RUNX1: variants seen among roughly 807,000 people sequenced by gnomAD.
RUNX1 encodes RUNX family transcription factor 1.
In RUNX1, 19 loss-of-function variants were observed where a neutral mutation model predicts 42.8. That is an observed-to-expected ratio of 0.44 (90% CI 0.31 to 0.65). The LOEUF is 0.65. Ranked by LOEUF, RUNX1 falls within the 30% of genes least tolerant of loss-of-function variation. The pLI, the probability that RUNX1 is intolerant of heterozygous loss-of-function variation, is 0.07. For missense variants in RUNX1, 528 were observed against 672.0 expected (o/e 0.79, Z 2.37); for synonymous variants, 271 against 289.4 (o/e 0.94, Z 0.64).
At chr21:34,805,294 G>C (rs2056664125) in intron 7 of RUNX1, among the ~76,000 whole-genome samples, 1 of 152,152 alleles carries the variant, frequency 6.6e-6, no homozygotes, top group South Asian at 2.1e-4. Flanking sequence ...GAAAACAGTG[G>C]AAGAAATACT....
intron 5 of RUNX1, among the ~76,000 whole-genome samples, chr21:34,871,082 T>G (rs959526973): frequency 6.6e-6 from 1 of 152,240 alleles, no homozygotes; most frequent in African/African-American, 2.4e-5. Flanking sequence ...GCTGGATCTC[T>G]TGATTTTGGA....
intron 2 of RUNX1, among the ~76,000 whole-genome samples, chr21:34,926,998 C>T (rs1476551583): frequency 6.6e-6 from 1 of 152,120 alleles, no homozygotes; most frequent in Non-Finnish European, 1.5e-5. Context: ...TTGGCTAAAG[C>T]ACTGTCCAAA....
chr21:34,942,536 G>T (rs1345265398), intron 2 of RUNX1, among the ~76,000 whole-genome samples: 1 of 152,140 alleles, frequency 6.6e-6, no homozygotes, highest in African/African-American at 2.4e-5. Flanking sequence ...AGTCTTGACT[G>T]GGCTTAATTG....
At chr21:35,012,585 A>C (rs1354340127) in intron 2 of RUNX1, among the ~76,000 whole-genome samples, 3 of 152,220 alleles carry the variant, frequency 2.0e-5, no homozygotes, top group Non-Finnish European at 4.4e-5. Context: ...TACTTGGATT[A>C]ATAAAAATTA....
intron 2 of RUNX1, among the ~76,000 whole-genome samples, chr21:34,945,483 A>T (rs1331528647): frequency 1.3e-5 from 2 of 152,010 alleles, no homozygotes; most frequent in African/African-American, 4.8e-5. Flanking sequence ...AATTCTCACT[A>T]TCTTCCACTC....
Position 34,792,303 on chromosome 21 carries a change from C to CGGGGG in RUNX1, c.1274_1275insCCCCC (p.Ile428ArgfsTer168). On this transcript the variant is annotated frameshift_variant, in exon 9 of 9. Transcript: ENST00000675419. LOFTEE classifies it high-confidence loss of function. This position sits in a 1 kb window ranked among gnomAD's most constrained non-coding sequence, Gnocchi z 6.9. Reference sequence around the variant, plus strand: ...TGGTGCAGGGCGGCAGGATGCGCGGCGGCGAGCGCTCGCCGCCCACCATGG... The same window carrying CGGGGG: ...TGGTGCAGGGCGGCAGGATGCGCGGCGGGGGGGCGAGCGCTCGCCGCCCACCATGG... 4.6e-6 allele frequency: 7 copies of CGGGGG among 1,536,044 alleles called. No individual in the cohort carries two copies. Among genetic ancestry groups the CGGGGG allele is most frequent in the East Asian group, 2.5e-5 (1 of 40,252 alleles).
intron 2 of RUNX1, among the ~76,000 whole-genome samples, chr21:34,976,848 T>C (rs149766207): frequency 0.01 from 1,585 of 151,236 alleles, 24 homozygotes; most frequent in African/African-American, 0.037. Context: ...CTAGGTGATA[T>C]CGGTAGAAAA....
chr21:34,918,727 G>A (rs1044219843), intron 2 of RUNX1, among the ~76,000 whole-genome samples: 7 of 152,164 alleles, frequency 4.6e-5, no homozygotes, highest in Admixed American at 2.6e-4. Flanking sequence ...GGCCAACATG[G>A]GGAAACCCTG....
At chr21:35,043,983 G>A (rs2059378752) in intron 2 of RUNX1, among the ~76,000 whole-genome samples, 1 of 152,236 alleles carries the variant, frequency 6.6e-6, no homozygotes, top group Non-Finnish European at 1.5e-5. Context: ...TCAATGAAAA[G>A]AGACATCTCT....
At chr21:34,896,699 A>C (rs2058133402) in intron 2 of RUNX1, among the ~76,000 whole-genome samples, 1 of 151,992 alleles carries the variant, frequency 6.6e-6, no homozygotes, top group African/African-American at 2.4e-5. Context: ...AGAAAAGAAA[A>C]GAATAAAGGA....
At chr21:34,878,355 A>AT (rs1329500754) in intron 5 of RUNX1, among the ~76,000 whole-genome samples, 63 of 148,324 alleles carry the variant, frequency 4.2e-4, no homozygotes, top group African/African-American at 1.6e-3. Flanking sequence ...AAAAAAAAAA[A>AT]AAAAAATATA....
intron 7 of RUNX1, among the ~76,000 whole-genome samples, chr21:34,820,734 A>G (rs555705619): frequency 7.9e-5 from 12 of 152,250 alleles, no homozygotes; most frequent in Non-Finnish European, 1.3e-4. Context: ...GAACCCAACC[A>G]TGGGACCTAG....
intron 7 of RUNX1, among the ~76,000 whole-genome samples, chr21:34,805,501 A>G (rs899405211): frequency 2.6e-5 from 4 of 152,234 alleles, no homozygotes; most frequent in African/African-American, 9.6e-5. Flanking sequence ...CCTTATCCAT[A>G]GAGGAAAAAG....
intron 2 of RUNX1, among the ~76,000 whole-genome samples, chr21:34,948,496 T>G (rs73900707): frequency 0.044 from 6,637 of 152,256 alleles, 478 homozygotes; most frequent in African/African-American, 0.15. Context: ...CTTAAATTAC[T>G]CAAGGTTCAG....
At chr21:34,888,401 C>G (rs1443804034) in intron 3 of RUNX1, 1 of 1,067,350 alleles carries the variant, frequency 9.4e-7, no homozygotes, top group Non-Finnish European at 1.1e-6. Context: ...CTTTCTCCCC[C>G]TGTTGTAAAA....
chr21:35,012,230 T>C (rs1396111569), intron 2 of RUNX1, among the ~76,000 whole-genome samples: 1 of 152,204 alleles, frequency 6.6e-6, no homozygotes, highest in Non-Finnish European at 1.5e-5. Context: ...TACAGGTTAG[T>C]TGTCCGTGAT....
chr21:35,045,299 A>C (rs1457567022), intron 2 of RUNX1, among the ~76,000 whole-genome samples: 1 of 152,158 alleles, frequency 6.6e-6, no homozygotes, highest in African/African-American at 2.4e-5. Context: ...CCAAGAGAGC[A>C]GCCAGGATGC....
intron 6 of RUNX1, among the ~76,000 whole-genome samples, chr21:34,849,257 T>C (rs1453698936): frequency 1.3e-5 from 1 of 74,342 alleles, no homozygotes; most frequent in Non-Finnish European, 2.5e-5. Context: ...TGGGTACATA[T>C]ATATATATAT....
intron 2 of RUNX1, among the ~76,000 whole-genome samples, chr21:35,016,963 T>G (rs1307080356): frequency 1.4e-5 from 2 of 147,262 alleles, no homozygotes; most frequent in African/African-American, 2.5e-5. Context: ...GCTCATAAAG[T>G]GCAGAGTAAG....
Sources: allele counts gnomAD v4.1 joint callset (sites outside exome capture counted in the v4.1 genomes callset), GRCh38; gene constraint gnomAD v4.1.1; non-coding constraint Gnocchi (gnomAD v3.1); transcripts MANE v1.5; gene names NCBI Gene and HGNC (gene_info 2026-07-23, HGNC 2026-07-21).